Variants in SULF1 observed in about 807,000 individuals in gnomAD.
SULF1 encodes sulfatase 1.
Under a neutral mutation model 110.5 loss-of-function variants are expected in SULF1, and 46 were observed. The observed-to-expected ratio is 0.42, with a 90% CI of 0.33 to 0.53. The LOEUF is 0.53. SULF1 is among the 20% of genes least tolerant of loss of function. SULF1 has a pLI of 0.12. For missense variants in SULF1, 941 were observed against 1,094.2 expected, an observed-to-expected ratio of 0.86 and a Z score of 1.98; for synonymous variants, 371 against 387.1, an observed-to-expected ratio of 0.96 and a Z score of 0.49.
At chr8:69,510,933 C>A (rs902940612) in intron 3 of SULF1, among the ~76,000 whole-genome samples, 7 of 142,688 alleles carry the variant, frequency 4.9e-5, no homozygotes, top group African/African-American at 1.8e-4. Flanking sequence ...TAATGTTAGT[C>A]CATATCATCA....
At chr8:69,503,904 A>G (rs1246600093) in intron 3 of SULF1, among the ~76,000 whole-genome samples, 1 of 151,970 alleles carries the variant, frequency 6.6e-6, no homozygotes, top group Non-Finnish European at 1.5e-5. Flanking sequence ...AGTTCAAGCA[A>G]TTCTCCTGCC....
chr8:69,503,748 A>G (rs932755563), intron 3 of SULF1, among the ~76,000 whole-genome samples: 1 of 152,106 alleles, frequency 6.6e-6, no homozygotes, highest in African/African-American at 2.4e-5. Flanking sequence ...TTCTCAAAGT[A>G]TCTTTCTTAG....
At chr8:69,554,427 A>G (rs1449660526) in intron 3 of SULF1, among the ~76,000 whole-genome samples, 1 of 152,210 alleles carries the variant, frequency 6.6e-6, no homozygotes, top group African/African-American at 2.4e-5. Flanking sequence ...TAAAATTTTC[A>G]TTCTATAAAT....
Position 69,659,872 on chromosome 8 carries a change from C to A in SULF1, c.*1337C>A, listed in dbSNP as rs1353945834. The A allele has an allele frequency of 6.5e-6, 1 of 152,784 alleles. No individual in the cohort carries two copies. The highest frequency in any genetic ancestry group is 1.5e-5 in the Non-Finnish European group (1 of 68,216). 9.5% of individuals were successfully genotyped at this position (152,784 alleles called of 1,614,324 possible). A position where few individuals can be genotyped will look rare whatever the true frequency, so the allele number is the denominator to read the frequency against. Reference sequence around the variant, plus strand: ...ACAGGCTTATCAGTCTCACTGTTGGCTGTCATTGTGACAAAGTCAAATAAA... The same window carrying A: ...ACAGGCTTATCAGTCTCACTGTTGGATGTCATTGTGACAAAGTCAAATAAA... On this transcript the variant is annotated 3_prime_UTR_variant, in exon 23 of 23. Coordinates refer to ENST00000402687, the MANE Select transcript of SULF1 (RefSeq NM_001128205.2).
At chr8:69,555,942 A>G (rs1815085045) in intron 3 of SULF1, among the ~76,000 whole-genome samples, 1 of 152,336 alleles carries the variant, frequency 6.6e-6, no homozygotes, top group Non-Finnish European at 1.5e-5. Flanking sequence ...ATTGCGCCAG[A>G]TTATGTACAT....
intron 1 of SULF1, among the ~76,000 whole-genome samples, chr8:69,479,388 A>G (rs1563456587): frequency 6.6e-6 from 1 of 152,230 alleles, no homozygotes; most frequent in Non-Finnish European, 1.5e-5. Context: ...TTAATTTCAT[A>G]GTAAATCGTA....
At chr8:69,588,643 G>A (rs1469215228) in intron 7 of SULF1, among the ~76,000 whole-genome samples, 3 of 152,082 alleles carry the variant, frequency 2.0e-5, no homozygotes, top group Admixed American at 2.0e-4. Context: ...TGTATCCGGT[G>A]TTTCATGTGT....
intron 3 of SULF1, among the ~76,000 whole-genome samples, chr8:69,547,817 A>C (rs1814387747): frequency 6.6e-6 from 1 of 152,194 alleles, no homozygotes; most frequent in South Asian, 2.1e-4. Context: ...GGTGCTCAAC[A>C]AAGGGTTGCT....
intron 19 of SULF1, among the ~76,000 whole-genome samples, chr8:69,634,810 A>T (rs1486478138): frequency 6.6e-6 from 1 of 151,958 alleles, no homozygotes; most frequent in African/African-American, 2.4e-5. Context: ...TGTAAAAAAA[A>T]ATTTTTTTCT....
intron 3 of SULF1, among the ~76,000 whole-genome samples, chr8:69,519,553 C>T (rs1283896147): frequency 1.3e-5 from 2 of 151,998 alleles, no homozygotes; most frequent in Non-Finnish European, 2.9e-5. Context: ...CTGTAAGATG[C>T]CAGTGTCCAG....
At position 69,482,697 on chromosome 8, in the gene SULF1, A is replaced by G. The variant is rs557198038; in HGVS notation, c.-390-13068A>G. Among the ~76,000 whole-genome samples, 6 of 152,282 alleles carry G rather than the reference A, an allele frequency of 3.9e-5. No individual in the cohort carries two copies. The East Asian group carries it at 1.2e-3, about 29-fold the overall frequency. On this transcript the variant is annotated intron_variant, in intron 1 of 22. Coordinates refer to the SULF1 transcript ENST00000260128. Reference sequence around the variant, plus strand: ...CTGGTATGTAAGTGTTCTTTCTACTATTCTTCCAGCTTTTCCGTAAGTTTG... The same window carrying G: ...CTGGTATGTAAGTGTTCTTTCTACTGTTCTTCCAGCTTTTCCGTAAGTTTG...
intron 8 of SULF1, among the ~76,000 whole-genome samples, chr8:69,591,529 A>C (rs543395152): frequency 6.6e-6 from 1 of 151,672 alleles, no homozygotes; most frequent in Non-Finnish European, 1.5e-5. Context: ...GCACCACTGC[A>C]CTCCAGCCTC....
At chr8:69,495,180 T>A (rs1252434000) in intron 1 of SULF1, among the ~76,000 whole-genome samples, 1 of 152,144 alleles carries the variant, frequency 6.6e-6, no homozygotes, top group Admixed American at 6.5e-5. Flanking sequence ...CACTAAGAGG[T>A]TAGACTGCAA....
intron 6 of SULF1, among the ~76,000 whole-genome samples, chr8:69,586,128 G>T (rs1806444187): frequency 6.6e-6 from 1 of 152,156 alleles, no homozygotes; most frequent in African/African-American, 2.4e-5. Context: ...TGGTTTCATT[G>T]AGCTGTAATC....
intron 10 of SULF1, 111 bp from the exon 11 acceptor site, chr8:69,603,081 A>C: frequency 6.9e-7 from 1 of 1,457,462 alleles, no homozygotes; most frequent in Non-Finnish European, 9.5e-7. Flanking sequence ...AGACCAGATG[A>C]GAGGGTGAGA....
At position 69,658,534 on chromosome 8, in the gene SULF1, A is replaced by G. The variant is rs1812890411; in HGVS notation, c.2615A>G (p.Ter872=). The part of the protein sequence containing the change: ...RGQLWDGWEG[*] ...CAGTTATGGGATGGATGGGAAGGTT[A>G]ATCAGCCCCGTCTCACTGCAGACAT... The change falls in exon 23 of 23, where the codon TAA becomes TGA. Residue 872 remains the stop codon, a stop_retained_variant. Transcript: ENST00000402687. 3 of 1,610,256 alleles carry G rather than the reference A, an allele frequency of 1.9e-6. No individual in the cohort carries two copies. In the Admixed American group the frequency reaches 5.0e-5, roughly 27 times the overall value.
In SULF1 at chr8:69,617,645, GAGTGCCACAAACCC is replaced by G. The variant is rs374983339; in HGVS notation, c.1378-3387_1378-3374del. Among the ~76,000 whole-genome samples the G allele has an allele frequency of 5.5e-3, 830 of 151,634 alleles. 6 individuals carry two copies. Among genetic ancestry groups the G allele is most frequent in the African/African-American group, 0.019 (784 of 41,332 alleles). ...CCATGAATGCTATAATTGGGTCTGTGAGTGCCACAAACCCAGGCCTGGAAACCACTGATCTCCAC... is the reference window on the plus strand; with the variant it reads ...CCATGAATGCTATAATTGGGTCTGTGAGGCCTGGAAACCACTGATCTCCAC... On this transcript the variant is annotated intron_variant, in intron 13 of 22. Transcript: ENST00000402687.
intron 19 of SULF1, chr8:69,637,765 G>A (rs1733183145): frequency 1.3e-5 from 2 of 152,400 alleles, no homozygotes; most frequent in Admixed American, 6.5e-5. Flanking sequence ...GTAACATAGA[G>A]AGACCCCATC....
At chr8:69,535,565 C>T (rs554095840) in intron 3 of SULF1, among the ~76,000 whole-genome samples, 30 of 152,104 alleles carry the variant, frequency 2.0e-4, no homozygotes, top group Admixed American at 9.8e-4. Context: ...AGGAAAAAGG[C>T]AAATAGGGCC....
Sources: allele counts gnomAD v4.1 joint callset (sites outside exome capture counted in the v4.1 genomes callset), GRCh38; gene constraint gnomAD v4.1.1; transcripts MANE v1.5; gene names NCBI Gene and HGNC (gene_info 2026-07-23, HGNC 2026-07-21).